The following VPS11 variants were observed in gnomAD, a reference collection of about 807,000 sequenced individuals.
VPS11 encodes the protein vacuolar protein sorting-associated protein 11 homolog.
A neutral mutation model predicts 106.8 loss-of-function variants in VPS11; 51 were observed. That is an observed-to-expected ratio of 0.48 (90% CI 0.38 to 0.60). The LOEUF is 0.60. Among genes scored for constraint, VPS11 ranks in the 20% least tolerant of loss-of-function variants. The pLI, the probability that VPS11 is intolerant of heterozygous loss-of-function variation, is 0.00. For missense variants in VPS11, 950 were observed against 1,190.0 expected (o/e 0.80, Z 2.97); for synonymous variants, 453 against 458.7 (o/e 0.99, Z 0.16).
chr11:119,069,195 C>G lies in VPS11; in HGVS notation c.188-1C>G. 2 of 1,613,902 alleles carry G rather than the reference C, an allele frequency of 1.2e-6. No individual in the cohort carries two copies. Among genetic ancestry groups the G allele is most frequent in the Non-Finnish European group, 1.7e-6 (2 of 1,179,890 alleles). ...AAGGAGGCTCCTTGACTACCCTGCACATATGGAAGGCCAGATCTGGTTCTT... is the reference window on the plus strand; with the variant it reads ...AAGGAGGCTCCTTGACTACCCTGCAGATATGGAAGGCCAGATCTGGTTCTT... On this transcript the variant is annotated splice_acceptor_variant, in intron 1 of 15. Transcript: ENST00000621676. LOFTEE classifies it high-confidence loss of function.
chr11:119,076,394 C>T (rs1367406161), intron 7 of VPS11, among the ~76,000 whole-genome samples: 2 of 151,810 alleles, frequency 1.3e-5, no homozygotes, highest in African/African-American at 4.8e-5. Flanking sequence ...GGCATGGTGG[C>T]ACATGCCTGT....
In VPS11 at chr11:119,071,748, T is replaced by A. The variant is rs1945400117; in HGVS notation, c.789T>A (p.Arg263=). Residue 263 remains arginine (R), a synonymous_variant, in exon 5 of 16, where the codon CGT becomes CGA. Transcript: ENST00000621676. ...TCTACTTGTACCAGCCTGATGAACGTGGGCCCTGCTTCGCCTTTGAGGGCC... is the reference window on the plus strand; with the variant it reads ...TCTACTTGTACCAGCCTGATGAACGAGGGCCCTGCTTCGCCTTTGAGGGCC... ...ECVYLYQPDE[R]GPCFAFEGHK... 4.3e-6 allele frequency: 7 copies of A among 1,613,910 alleles called. No individual in the cohort carries two copies. Among genetic ancestry groups the A allele is most frequent in the Non-Finnish European group, 5.9e-6 (7 of 1,179,900 alleles).
rs1945186131 is a variant in VPS11 at position 119,067,960 on chromosome 11, C to T, written c.137C>T (p.Pro46Leu). The T allele has an allele frequency of 1.9e-6, 3 of 1,612,994 alleles. No individual in the cohort carries two copies. The highest frequency in any genetic ancestry group is 2.5e-6 in the Non-Finnish European group (3 of 1,179,472). Residue 46 changes from proline to leucine, a missense_variant, in exon 1 of 16, where the codon CCT (proline) becomes CTT (leucine). By Grantham distance (98) the Pro-to-Leu change is moderately conservative. This residue lies in a region of VPS11 where 435 missense variants were observed against 630.2 expected (regional missense o/e 0.69). Transcript: ENST00000621676. ...GSAASKFLCL[P>L]PGITVCDSGR... ...GCTGCTTCCAAGTTCCTTTGCCTCC[C>T]TCCTGGCATCACTGTCTGCGACTCA...
chr11:119,072,001 C>T (rs1382950299), intron 5 of VPS11, 158 bp downstream of exon 5: 10 of 981,894 alleles, frequency 1.0e-5, no homozygotes, highest in Admixed American at 5.3e-5. Flanking sequence ...GATGGAGTCT[C>T]GCTCTGTCAC....
chr11:119,068,736 G>A (rs1592175094), intron 1 of VPS11, among the ~76,000 whole-genome samples: 1 of 150,540 alleles, frequency 6.6e-6, no homozygotes, highest in South Asian at 2.1e-4. Context: ...GTGAGCCATC[G>A]CGCCCGGCGC....
At position 119,067,853 on chromosome 11, in the gene VPS11, C is replaced by A. The variant is rs2133639141; in HGVS notation, c.30C>A (p.Phe10Leu). 6 of 1,557,782 alleles carry A rather than the reference C, an allele frequency of 3.9e-6. No homozygotes were observed. In the African/African-American group the frequency reaches 4.1e-5, roughly 11 times the overall value. The part of the protein sequence containing the change: MAAYLQWRR[F>L]VFFDKELVKE... The stretch of plus-strand genomic sequence containing the variant: ...CGGCCTACCTGCAGTGGCGGCGCTT[C>A]GTTTTCTTCGACAAGGAGCTGGTGA... The change falls in exon 1 of 16, where the codon TTC (phenylalanine) becomes TTA (leucine). Residue 10 changes from phenylalanine (F) to leucine (L), a missense_variant. Coordinates refer to ENST00000621676, the MANE Select transcript of VPS11 (RefSeq NM_021729.6).
intron 1 of VPS11, among the ~76,000 whole-genome samples, chr11:119,068,444 C>CAAT (rs1945211599): frequency 1.6e-5 from 2 of 128,112 alleles, no homozygotes; most frequent in African/African-American, 3.4e-5. Flanking sequence ...GCCTTTTTAC[C>CAAT]TTTTTTTTTT....
At chr11:119,074,177 TG>T (rs1945511059) in intron 7 of VPS11, among the ~76,000 whole-genome samples, 1 of 152,112 alleles carries the variant, frequency 6.6e-6, no homozygotes. Context: ...CCTTCCCTCC[TG>T]GGTTCACATG....
At chr11:119,077,467 G>A in intron 8 of VPS11, 34 bp from the exon 9 acceptor site, 1 of 1,607,860 alleles carries the variant, frequency 6.2e-7, no homozygotes, top group Non-Finnish European at 8.5e-7. Flanking sequence ...ATCTCCCTCT[G>A]TGTAAATGAT....
At chr11:119,076,449 C>T (rs1945623854) in intron 7 of VPS11, among the ~76,000 whole-genome samples, 1 of 151,882 alleles carries the variant, frequency 6.6e-6, no homozygotes, top group South Asian at 2.1e-4. Flanking sequence ...TCGCTTGATC[C>T]TGGGAGGCAG....
At position 119,069,683 on chromosome 11, in the gene VPS11, C is replaced by CTGAG; in HGVS notation, c.472+107_472+110dup. On this transcript the variant is annotated intron_variant, in intron 3 of 15. Coordinates refer to ENST00000621676, the MANE Select transcript of VPS11 (RefSeq NM_021729.6). The stretch of plus-strand genomic sequence containing the variant: ...TTTCAGGAGACCACTTTGTACTGAA[C>CTGAG]TGAGGCCTTTGCGATATTAAATTTT... 2.7e-6 allele frequency: 4 copies of CTGAG among 1,484,910 alleles called. No homozygotes were observed. In the East Asian group the frequency reaches 9.2e-5, roughly 34 times the overall value. The allele number at this position is 1,484,910 out of a possible 1,614,324, so 92.0% of individuals were successfully genotyped here.
intron 1 of VPS11, among the ~76,000 whole-genome samples, chr11:119,068,760 CT>C (rs1239557391): frequency 7.0e-6 from 1 of 142,804 alleles, no homozygotes; most frequent in African/African-American, 2.6e-5. Flanking sequence ...AAATTTTTTT[CT>C]TTTTTTTGAG....
intron 1 of VPS11, 70 bp from the exon 2 acceptor site, chr11:119,069,126 T>C (rs1385032004): frequency 6.3e-7 from 1 of 1,587,030 alleles, no homozygotes; most frequent in Non-Finnish European, 8.6e-7. Flanking sequence ...ATACATGTAA[T>C]TGTTATCTGA....
chr11:119,069,229 C>T lies in VPS11; in HGVS notation c.221C>T (p.Ser74Phe). The change falls in exon 2 of 16, where the codon TCC (serine) becomes TTC (phenylalanine). Residue 74 changes from serine to phenylalanine, a missense_variant. By Grantham distance (155) the Ser-to-Phe change is radical. Transcript: ENST00000621676. ...MEGQIWFLPR[S>F]LQLTGFQAYK... ...GGCCAGATCTGGTTCTTGCCACGTTCCCTACAGCTTACAGGCTTCCAAGCC... is the reference window on the plus strand; with the variant it reads ...GGCCAGATCTGGTTCTTGCCACGTTTCCTACAGCTTACAGGCTTCCAAGCC... 4 of 1,613,976 alleles carry T rather than the reference C, an allele frequency of 2.5e-6. No homozygotes were observed. Among genetic ancestry groups the T allele is most frequent in the Non-Finnish European group, 3.4e-6 (4 of 1,179,892 alleles).
At chr11:119,070,106 T>G in intron 3 of VPS11, 128 bp from the exon 4 acceptor site, 1 of 748,530 alleles carries the variant, frequency 1.3e-6, no homozygotes, top group South Asian at 3.6e-5. Context: ...ATATTCAGGT[T>G]AACCATTAGA....
chr11:119,078,377 C>T (rs1422953385), intron 11 of VPS11, 43 bp downstream of exon 11: 9 of 1,596,802 alleles, frequency 5.6e-6, no homozygotes, highest in Admixed American at 1.7e-5. Flanking sequence ...CAGTTCGTGC[C>T]GTCTCCATTC....
chr11:119,081,363 A>G, intron 15 of VPS11, 49 bp downstream of exon 15: 2 of 1,611,844 alleles, frequency 1.2e-6, no homozygotes, highest in East Asian at 2.2e-5. Context: ...CTAGTGTCAC[A>G]GAGTCACTGG....
chr11:119,068,792 C>T (rs1677159121), intron 1 of VPS11, among the ~76,000 whole-genome samples: 1 of 151,056 alleles, frequency 6.6e-6, no homozygotes, highest in African/African-American at 2.4e-5. Context: ...ACTCTTGTTG[C>T]ACAGGCTGGA....
chr11:119,071,962 T>G, intron 5 of VPS11, 119 bp downstream of exon 5: 2 of 1,361,138 alleles, frequency 1.5e-6, no homozygotes, highest in South Asian at 2.8e-5. Flanking sequence ...CGGTGTTATG[T>G]AGGTAACATT....
Sources: gnomAD v4.1 joint callset for allele counts (sites outside exome capture counted in the v4.1 genomes callset) on GRCh38, gnomAD v4.1.1 for gene constraint, gnomAD v4.1.1 regional missense constraint, MANE v1.5 for transcripts, NCBI Gene and HGNC (gene_info 2026-07-23, HGNC 2026-07-21) for gene names.